STPG1: variants seen among roughly 807,000 people sequenced by gnomAD.
STPG1 encodes the protein sperm tail PG-rich repeat containing 1, also known as O(6)-methylguanine-induced apoptosis 2.
A neutral mutation model predicts 40.1 loss-of-function variants in STPG1; 33 were observed. The observed-to-expected ratio is 0.82, with a 90% confidence interval of 0.62 to 1.10. STPG1 has a LOEUF of 1.10. Among genes scored for constraint, STPG1 ranks in the 50% least tolerant of loss-of-function variants. The pLI is 0.00. For synonymous variants in STPG1, 150 were observed against 155.0 expected (o/e 0.97, Z 0.24); for missense variants, 396 against 415.1 (o/e 0.95, Z 0.40).
rs781227001 is a variant in STPG1 at position 24,401,317 on chromosome 1, A to AGT, written c.70+1_70+2insAC. 5 of 1,613,832 alleles carry AGT rather than the reference A, an allele frequency of 3.1e-6. No individual in the cohort carries two copies. The highest frequency in any genetic ancestry group is 1.7e-4 in the Middle Eastern group (1 of 6,060). ...ATCTCCTCCCTGCAAAGACACATGT[A>AGT]CCTTTCTGTACTTCACTGGCACGTC... On this transcript the variant is annotated splice_donor_variant, in intron 2 of 8. Coordinates refer to ENST00000337248, the MANE Select transcript of STPG1 (RefSeq NM_001199013.2). LOFTEE classifies it high-confidence loss of function.
intron 7 of STPG1, among the ~76,000 whole-genome samples, chr1:24,363,464 G>A (rs1046649275): frequency 4.6e-5 from 7 of 152,190 alleles, no homozygotes; most frequent in African/African-American, 1.4e-4. Context: ...ACTTCAGGCA[G>A]TACAGGCTTT....
intron 1 of STPG1, among the ~76,000 whole-genome samples, chr1:24,408,190 T>C (rs765726057): frequency 2.0e-5 from 3 of 152,250 alleles, no homozygotes; most frequent in Non-Finnish European, 4.4e-5. Flanking sequence ...GCAGCTTTTA[T>C]TCTGGGAATA....
At position 24,357,525 on chromosome 1, in the gene STPG1, C is replaced by A. The variant is rs1252772290; in HGVS notation, c.*1018G>T. 1 of 153,406 alleles carries A rather than the reference C, an allele frequency of 6.5e-6. No homozygotes were observed. The highest frequency in any genetic ancestry group is 1.9e-4 in the East Asian group (1 of 5,200). The allele number at this position is 153,406 out of a possible 1,614,324, so 9.5% of individuals were successfully genotyped here. A position where few individuals can be genotyped will look rare whatever the true frequency, so the allele number is the denominator to read the frequency against. ...CCCAGGCCTCAGTACTTTTTAAAGT[C>A]CCCAGGTGATTACAGTGTGCAGTCA... On this transcript the variant is annotated 3_prime_UTR_variant, in exon 9 of 9. Coordinates refer to ENST00000337248, the MANE Select transcript of STPG1 (RefSeq NM_001199013.2).
chr1:24,414,231 A>G (rs374622405), upstream of STPG1: 2 of 151,648 alleles, frequency 1.3e-5, no homozygotes, highest in South Asian at 2.1e-4. Context: ...TTTTTAGTAG[A>G]GACAGGGTTT....
chr1:24,374,242 GTGTTTTTTTTTTT>G (rs1413285055), intron 5 of STPG1, among the ~76,000 whole-genome samples: 3,017 of 124,798 alleles, frequency 0.024, 100 homozygotes, highest in African/African-American at 0.068. Flanking sequence ...CGCTAGGAAA[GTGTTTTTTTTTTT>G]TGTTTTTTTT....
intron 4 of STPG1, among the ~76,000 whole-genome samples, chr1:24,381,852 G>A (rs200669693): frequency 1.3e-5 from 2 of 152,288 alleles, no homozygotes; most frequent in South Asian, 2.1e-4. Flanking sequence ...TGAAAGAGGC[G>A]GTGGGGTGGG....
intron 1 of STPG1, chr1:24,410,766 T>A (rs1039362218): frequency 6.6e-6 from 1 of 152,246 alleles, no homozygotes; most frequent in African/African-American, 2.4e-5. Flanking sequence ...CAGGTGTGCC[T>A]CACTGGTCCA....
rs1306307505 is a variant in STPG1, at chr1:24,364,379, AC to A, written c.738-3339del. 3.3e-6 allele frequency: 5 copies of A among 1,531,532 alleles called. No individual in the cohort carries two copies. In the Admixed American group the frequency reaches 6.1e-5, roughly 19 times the overall value. The allele number at this position is 1,531,532 out of a possible 1,614,324, so 94.9% of individuals were successfully genotyped here. ...ACTGTAAACTCGGAATGACACACCC[AC>A]CTGGAGGAGAGGTGGAAGGACGACG... On this transcript the variant is annotated intron_variant, in intron 7 of 8. Transcript: ENST00000337248.
rs983885075 is a variant in STPG1 at position 24,395,588 on chromosome 1, G to A, written c.71-3909C>T. ...GCTGGGACTACAGGCGCCCGCCACCGCGCCCGGCTAATTTTTTGTATTTTT... is the reference window on the plus strand; with the variant it reads ...GCTGGGACTACAGGCGCCCGCCACCACGCCCGGCTAATTTTTTGTATTTTT... On this transcript the variant is annotated intron_variant, in intron 2 of 8. Transcript: ENST00000337248. 7.9e-5 allele frequency among the ~76,000 whole-genome samples: 12 copies of A among 151,090 alleles called. 1 individual carries two copies. Among genetic ancestry groups the A allele is most frequent in the Admixed American group, 2.6e-4 (4 of 15,192 alleles).
In STPG1 at chr1:24,391,559, A is replaced by G; in HGVS notation, c.189+2T>C. 1 of 1,503,214 alleles carries G rather than the reference A, an allele frequency of 6.7e-7. No individual in the cohort carries two copies. The highest frequency in any genetic ancestry group is 9.1e-7 in the Non-Finnish European group (1 of 1,104,766). The allele number at this position is 1,503,214 out of a possible 1,614,324, so 93.1% of individuals were successfully genotyped here. ...AAAGAACCCCTGAGACAACGTCATT[A>G]CCTTCTTATGAGGAAATCTCTTGGC... is the stretch of plus-strand genomic sequence containing the variant. On this transcript the variant is annotated splice_donor_variant, in intron 3 of 8. Coordinates refer to ENST00000337248, the MANE Select transcript of STPG1 (RefSeq NM_001199013.2). LOFTEE classifies it high-confidence loss of function.
chr1:24,401,651 G>A (rs1643233641), intron 1 of STPG1, among the ~76,000 whole-genome samples, 195 bp from the exon 2 acceptor site: 1 of 152,200 alleles, frequency 6.6e-6, no homozygotes, highest in African/African-American at 2.4e-5. Context: ...AGAAGTCACT[G>A]TTGATGTTGC....
chr1:24,379,774 T>C lies in STPG1; in HGVS notation c.341A>G (p.Tyr114Cys), dbSNP rs1468162487. Residue 114 changes from tyrosine to cysteine, a missense_variant, in exon 5 of 9, where the codon TAC becomes TGC. By Grantham distance (194) the Tyr-to-Cys change is radical. Coordinates refer to ENST00000337248, the MANE Select transcript of STPG1 (RefSeq NM_001199013.2). Reference protein sequence around the residue: ...IISKYPAANAYTIPSDFISKR... With the variant: ...IISKYPAANACTIPSDFISKR... The stretch of plus-strand genomic sequence containing the variant: ...GGAAATAAAATCCGATGGGATAGTG[T>C]ATGCATTCGCTGCAGGGTATTTAGA... 2 of 1,614,028 alleles carry C rather than the reference T, an allele frequency of 1.2e-6. No individual in the cohort carries two copies. Among genetic ancestry groups the C allele is most frequent in the African/African-American group, 1.3e-5 (1 of 74,910 alleles).
rs779764404 is a variant in STPG1, at chr1:24,379,773, G to A, written c.342C>T (p.Tyr114=). The A allele has an allele frequency of 1.9e-6, 3 of 1,614,158 alleles. No individual in the cohort carries two copies. The highest frequency in any genetic ancestry group is 3.3e-5 in the Admixed American group (2 of 60,030). Residue 114 remains tyrosine, a synonymous_variant, in exon 5 of 9, where the codon TAC becomes TAT. Coordinates refer to ENST00000337248, the MANE Select transcript of STPG1 (RefSeq NM_001199013.2). The part of the protein sequence containing the change: ...IISKYPAANA[Y]TIPSDFISKR... The stretch of plus-strand genomic sequence containing the variant: ...TGGAAATAAAATCCGATGGGATAGT[G>A]TATGCATTCGCTGCAGGGTATTTAG...
intron 1 of STPG1, among the ~76,000 whole-genome samples, chr1:24,406,405 A>T (rs932129276): frequency 2.0e-5 from 3 of 152,044 alleles, no homozygotes; most frequent in Non-Finnish European, 2.9e-5. Flanking sequence ...TTAAACACTC[A>T]ATTATCTTTT....
chr1:24,373,815 G>C lies in STPG1; in HGVS notation c.463-5C>G, dbSNP rs765649265. ...CTTGCAGCAAGAGACAGAGGCCTAG[G>C]GGGAGAAAATACACCCAATGTACTC... is the stretch of plus-strand genomic sequence containing the variant. On this transcript the variant is annotated splice_polypyrimidine_tract_variant and splice_region_variant and intron_variant, in intron 5 of 8. Coordinates refer to ENST00000337248, the MANE Select transcript of STPG1 (RefSeq NM_001199013.2). 8 of 1,596,156 alleles carry C rather than the reference G, an allele frequency of 5.0e-6. No homozygotes were observed. Among genetic ancestry groups the C allele is most frequent in the African/African-American group, 4.0e-5 (3 of 74,612 alleles).
chr1:24,392,196 G>A, intron 2 of STPG1: 1 of 445,468 alleles, frequency 2.2e-6, no homozygotes, highest in Non-Finnish European at 3.0e-6. Flanking sequence ...GTTTTGAGCA[G>A]ACATGGGGTT....
At chr1:24,404,116 T>G (rs1003610512) in intron 1 of STPG1, among the ~76,000 whole-genome samples, 9 of 152,194 alleles carry the variant, frequency 5.9e-5, no homozygotes, top group African/African-American at 2.2e-4. Context: ...ACTTCTAATC[T>G]GTTTCCTAAG....
At chr1:24,367,821 G>C (rs966339235) in intron 7 of STPG1, among the ~76,000 whole-genome samples, 6 of 152,144 alleles carry the variant, frequency 3.9e-5, no homozygotes, top group African/African-American at 1.4e-4. Flanking sequence ...ACCGGTAATA[G>C]CTATTTTCCA....
At chr1:24,383,571 G>C (rs180793717) in intron 4 of STPG1, among the ~76,000 whole-genome samples, 1 of 152,324 alleles carries the variant, frequency 6.6e-6, no homozygotes, top group Non-Finnish European at 1.5e-5. Flanking sequence ...ACACCAAGAT[G>C]TGTAAGAGTA....
Sources: gnomAD v4.1 joint callset for allele counts (sites outside exome capture counted in the v4.1 genomes callset) on GRCh38, gnomAD v4.1.1 for gene constraint, MANE v1.5 for transcripts, NCBI Gene and HGNC (gene_info 2026-07-23, HGNC 2026-07-21) for gene names.